The following ELP3 variants were observed in gnomAD, a reference collection of about 807,000 sequenced individuals.
The protein encoded by ELP3 is elongator acetyltransferase complex subunit 3, also known as elongator complex protein 3.
ELP3 carries 56 observed loss-of-function variants against 74.9 expected under a neutral mutation model. The ratio of observed to expected loss-of-function variants is 0.75; its 90% confidence interval spans 0.60 to 0.93. The LOEUF (loss-of-function observed/expected upper bound fraction) is 0.93, where lower values mean the gene tolerates loss of function less well. Ranked by LOEUF, ELP3 falls within the 40% of genes least tolerant of loss-of-function variation. The pLI is 0.00. For synonymous variants in ELP3, 222 were observed against 239.8 expected, an observed-to-expected ratio of 0.93 and a Z score of 0.68; for missense variants, 573 against 686.5, an observed-to-expected ratio of 0.83 and a Z score of 1.85.
chr8:28,106,776 A>C lies in ELP3; in HGVS notation c.322A>C (p.Ile108Leu). 6.2e-7 allele frequency: 1 copy of C among 1,611,544 alleles called. No homozygotes were observed. Among genetic ancestry groups the C allele is most frequent in the South Asian group, 1.1e-5 (1 of 90,998 alleles). Reference sequence around the variant, plus strand: ...TCCACACATCAGTTTTACAGGAAATATATGTGTGTAAGTATGGTGATTTTA... The same window carrying C: ...TCCACACATCAGTTTTACAGGAAATCTATGTGTGTAAGTATGGTGATTTTA... ...RCPHISFTGN[I>L]CVYCPGGPDS... The change falls in exon 4 of 15, where the codon ATA becomes CTA. Residue 108 changes from isoleucine to leucine, a missense_variant. Physicochemically the swap from Ile to Leu is conservative, Grantham distance 5. Transcript: ENST00000256398.
rs956587530 is a variant in ELP3 at position 28,161,866 on chromosome 8, C to G, written c.1486-131C>G. On this transcript the variant is annotated intron_variant, in intron 13 of 14. Coordinates refer to ENST00000256398, the MANE Select transcript of ELP3 (RefSeq NM_018091.6). ...TTGAATGGTTTCTTTTTCCTTACTC[C>G]CATAAGTGGGCTTTTTCACTCTTAA... is the stretch of plus-strand genomic sequence containing the variant. 8 of 733,024 alleles carry G rather than the reference C, an allele frequency of 1.1e-5. No homozygotes were observed. The African/African-American group carries it at 1.2e-4, about 11-fold the overall frequency. The allele number at this position is 733,024 out of a possible 1,614,324, so 45.4% of individuals were successfully genotyped here. A position where few individuals can be genotyped will look rare whatever the true frequency, so the allele number is the denominator to read the frequency against.
Position 28,158,536 on chromosome 8 carries a change from C to G in ELP3, c.1192-32C>G, listed in dbSNP as rs1478082655. On this transcript the variant is annotated intron_variant, in intron 11 of 14. Coordinates refer to ENST00000256398, the MANE Select transcript of ELP3 (RefSeq NM_018091.6). Reference sequence around the variant, plus strand: ...TTTATATTTGTACCCCTCCCACCCCCCAACCCCGCTCACGCCATTTTTTTT... The same window carrying G: ...TTTATATTTGTACCCCTCCCACCCCGCAACCCCGCTCACGCCATTTTTTTT... The G allele has an allele frequency of 4.5e-6, 7 of 1,562,230 alleles. No individual in the cohort carries two copies. The Admixed American group carries it at 6.7e-5, about 15-fold the overall frequency.
chr8:28,114,605 G>A (rs1324208343), intron 7 of ELP3, among the ~76,000 whole-genome samples: 1 of 152,106 alleles, frequency 6.6e-6, no homozygotes, highest in Non-Finnish European at 1.5e-5. Flanking sequence ...ATTTATTTAT[G>A]AGGAATCCAG....
At chr8:28,136,106 C>T (rs369901664) in intron 9 of ELP3, among the ~76,000 whole-genome samples, 33 of 151,984 alleles carry the variant, frequency 2.2e-4, no homozygotes, top group South Asian at 1.5e-3. Context: ...GGATTACAGA[C>T]GCGCACCACC....
Position 28,158,917 on chromosome 8 carries a change from A to T in ELP3, c.1257+284A>T, listed in dbSNP as rs766667947. ...CTGTGATCTGAGCTATCCAATATCC[A>T]ATATGGTGGTGACTGTTGAGCACTT... On this transcript the variant is annotated intron_variant, in intron 12 of 14. Transcript: ENST00000256398. Among the ~76,000 whole-genome samples the T allele has an allele frequency of 8.4e-4, 128 of 152,366 alleles. 2 individuals are homozygous for T. The highest frequency in any genetic ancestry group is 1.5e-3 in the African/African-American group (63 of 41,586).
chr8:28,160,576 T>C, intron 13 of ELP3, 120 bp downstream of exon 13: 1 of 835,818 alleles, frequency 1.2e-6, no homozygotes, highest in Non-Finnish European at 1.9e-6. Context: ...AAGAGAAGCA[T>C]AGAAACAGAG....
rs540360029 is a variant in ELP3, at chr8:28,116,137, T to C, written c.617+2964T>C. The stretch of plus-strand genomic sequence containing the variant: ...TTGGAATTGGGGGCAGCCACATCTT[T>C]TTGTGCCCTCGCTACTCCCCCTACC... On this transcript the variant is annotated intron_variant, in intron 7 of 14. Transcript: ENST00000256398. Among the ~76,000 whole-genome samples, 29 of 152,280 alleles carry C rather than the reference T, an allele frequency of 1.9e-4. No individual in the cohort carries two copies. In the South Asian group the frequency reaches 3.5e-3, roughly 19 times the overall value.
intron 9 of ELP3, among the ~76,000 whole-genome samples, chr8:28,136,802 A>G (rs921303716): frequency 1.3e-5 from 2 of 152,248 alleles, no homozygotes; most frequent in African/African-American, 2.4e-5. Flanking sequence ...GGGGACTGTG[A>G]GTCCACTTTC....
rs376894589 is a variant in ELP3 at position 28,129,564 on chromosome 8, G to A, written c.680G>A (p.Cys227Tyr). ...ACTATTGAAACCAGACCAGATTACTGCATGAAGCGACATTTAAGTGACATG... is the reference window on the plus strand; with the variant it reads ...ACTATTGAAACCAGACCAGATTACTACATGAAGCGACATTTAAGTGACATG... The part of the protein sequence containing the change: ...GITIETRPDY[C>Y]MKRHLSDMLT... The change falls in exon 8 of 15, where the codon TGC becomes TAC. Residue 227 changes from cysteine (C) to tyrosine (Y), a missense_variant. By Grantham distance (194) the Cys-to-Tyr change is radical. Transcript: ENST00000256398. 16 of 1,614,044 alleles carry A rather than the reference G, an allele frequency of 9.9e-6. No individual in the cohort carries two copies. The highest frequency in any genetic ancestry group is 2.7e-5 in the African/African-American group (2 of 74,924).
intron 1 of ELP3, among the ~76,000 whole-genome samples, chr8:28,096,290 A>G (rs1374552630): frequency 6.6e-6 from 1 of 152,238 alleles, no homozygotes; most frequent in Non-Finnish European, 1.5e-5. Flanking sequence ...CAATGCAGTA[A>G]TAAAAATAAA....
chr8:28,179,753 G>A (rs1017689008), intron 14 of ELP3, among the ~76,000 whole-genome samples: 7 of 152,102 alleles, frequency 4.6e-5, no homozygotes, highest in Non-Finnish European at 7.3e-5. Flanking sequence ...TTCACAATAG[G>A]ATTTGTGCTC....
intron 10 of ELP3, among the ~76,000 whole-genome samples, chr8:28,148,640 A>G (rs371178285): frequency 2.1e-4 from 32 of 152,248 alleles, no homozygotes; most frequent in African/African-American, 7.7e-4. Flanking sequence ...AGCTTTTATC[A>G]TGAATGGGTG....
intron 10 of ELP3, among the ~76,000 whole-genome samples, chr8:28,150,044 C>A (rs544362667): frequency 1.2e-3 from 189 of 152,304 alleles, no homozygotes; most frequent in African/African-American, 4.3e-3. Context: ...TACCACTTCA[C>A]TTCACAGGTA....
chr8:28,092,087 AC>A (rs1449129504), upstream of ELP3, among the ~76,000 whole-genome samples: 2 of 151,928 alleles, frequency 1.3e-5, no homozygotes, highest in Non-Finnish European at 2.9e-5. Flanking sequence ...TAAGGTAAAG[AC>A]TCTGCCACTC....
At chr8:28,133,973 A>G (rs1812882239) in intron 9 of ELP3, among the ~76,000 whole-genome samples, 1 of 151,676 alleles carries the variant, frequency 6.6e-6, no homozygotes, top group Non-Finnish European at 1.5e-5. Context: ...TTATTATTAT[A>G]CTTTAAGTTC....
intron 14 of ELP3, among the ~76,000 whole-genome samples, chr8:28,180,308 C>T (rs1434160145): frequency 6.6e-6 from 1 of 152,226 alleles, no homozygotes; most frequent in East Asian, 1.9e-4. Flanking sequence ...CTAATACCCT[C>T]TTCCCCACCA....
chr8:28,099,685 T>A (rs191373155), intron 2 of ELP3, 143 bp from the exon 3 acceptor site: 2 of 907,342 alleles, frequency 2.2e-6, no homozygotes, highest in East Asian at 4.9e-5. Flanking sequence ...TCCCTGATAG[T>A]CACAGATCTT....
intron 7 of ELP3, among the ~76,000 whole-genome samples, chr8:28,121,847 C>T (rs182792822): frequency 2.8e-4 from 43 of 152,312 alleles, no homozygotes; most frequent in African/African-American, 9.4e-4. Context: ...TGCCTTACTG[C>T]ACTGCCTAGG....
intron 13 of ELP3, 104 bp downstream of exon 13, chr8:28,160,560 AGG>A: frequency 1.0e-6 from 1 of 975,778 alleles, no homozygotes. Context: ...GGAGCAGGAG[AGG>A]GGAAAGAGAA....
Sources: allele counts gnomAD v4.1 joint callset (sites outside exome capture counted in the v4.1 genomes callset), GRCh38; gene constraint gnomAD v4.1.1; transcripts MANE v1.5; gene names NCBI Gene and HGNC (gene_info 2026-07-23, HGNC 2026-07-21).